Variants in ZNF236 observed in about 807,000 individuals in gnomAD.
The protein encoded by ZNF236 is zinc finger protein 236, also known as regulated by glucose.
ZNF236 carries 50 observed loss-of-function variants against 191.2 expected under a neutral mutation model. The observed-to-expected ratio is 0.26, with a 90% CI of 0.21 to 0.33. ZNF236 has a LOEUF of 0.33. Ranked by LOEUF, ZNF236 falls within the 10% of genes least tolerant of loss-of-function variation. ZNF236 has a pLI of 1.00. For synonymous variants in ZNF236, 907 were observed against 928.8 expected (o/e 0.98, Z 0.43); for missense variants, 1,754 against 2,374.5 (o/e 0.74, Z 5.43).
At chr18:76,853,781 C>T (rs1056586399) in intron 3 of ZNF236, among the ~76,000 whole-genome samples, 9 of 151,936 alleles carry the variant, frequency 5.9e-5, no homozygotes, top group African/African-American at 1.2e-4. Context: ...GAGGTCAAGG[C>T]GGGCAGATCA....
Position 76,842,182 on chromosome 18 carries a change from GATA to G in ZNF236, c.56-7340_56-7338del, listed in dbSNP as rs574992039. ...TAGTTTTCTTATCCACAAGGGCATT[GATA>G]ATATGACTGGCCTTCCCCCCACCCC... On this transcript the variant is annotated intron_variant, in intron 1 of 30. Coordinates refer to ENST00000320610, the MANE Select transcript of ZNF236 (RefSeq NM_001306089.2). Among the ~76,000 whole-genome samples, 138 of 152,202 alleles carry G rather than the reference GATA, an allele frequency of 9.1e-4. 1 individual carries two copies. The highest frequency in any genetic ancestry group is 2.9e-3 in the African/African-American group (121 of 41,502).
At chr18:76,826,651 T>C (rs1975027860) in intron 1 of ZNF236, among the ~76,000 whole-genome samples, 1 of 150,690 alleles carries the variant, frequency 6.6e-6, no homozygotes, top group Non-Finnish European at 1.5e-5. Context: ...ATACCAAAGT[T>C]AGCCAGGCAT....
intron 9 of ZNF236, chr18:76,888,131 G>A (rs1977114212): frequency 1.3e-5 from 2 of 151,752 alleles, no homozygotes; most frequent in African/African-American, 4.8e-5. Flanking sequence ...CAGCACTTTG[G>A]GAGGCCGAGG....
chr18:76,911,975 AGATAT>A (rs1345014938), intron 16 of ZNF236, among the ~76,000 whole-genome samples: 3 of 152,212 alleles, frequency 2.0e-5, no homozygotes, highest in Non-Finnish European at 4.4e-5. Context: ...TCTCTTATTA[AGATAT>A]ATAAAATAAT....
intron 1 of ZNF236, among the ~76,000 whole-genome samples, chr18:76,836,672 G>C (rs182823711): frequency 6.6e-6 from 1 of 151,706 alleles, no homozygotes; most frequent in African/African-American, 2.4e-5. Context: ...CTGCTTCCCG[G>C]GTTCATGCCA....
chr18:76,912,182 G>A, intron 16 of ZNF236, 62 bp from the exon 17 acceptor site: 2 of 1,296,666 alleles, frequency 1.5e-6, no homozygotes, highest in Non-Finnish European at 2.2e-6. Context: ...TAGCTGCTCA[G>A]TTGTTTTATG....
At position 76,867,191 on chromosome 18, in the gene ZNF236, A is replaced by G. The variant is rs946854983; in HGVS notation, c.364-1494A>G. Among the ~76,000 whole-genome samples, 11 of 148,948 alleles carry G rather than the reference A, an allele frequency of 7.4e-5. 1 individual carries two copies. The highest frequency in any genetic ancestry group is 2.0e-4 in the Admixed American group (3 of 14,940). On this transcript the variant is annotated intron_variant, in intron 3 of 30. Transcript: ENST00000320610. ...GTGGGGAATCATTGGTAATGAAAGC[A>G]GTGCATTTTGTTCAGATGCATTCAG...
chr18:76,928,481 G>C (rs1967766006), intron 25 of ZNF236, among the ~76,000 whole-genome samples: 1 of 152,172 alleles, frequency 6.6e-6, no homozygotes, highest in Non-Finnish European at 1.5e-5. Context: ...TTTTAGATCC[G>C]CATGGCACTC....
chr18:76,847,807 C>T (rs1424875575), intron 1 of ZNF236, among the ~76,000 whole-genome samples: 1 of 152,182 alleles, frequency 6.6e-6, no homozygotes, highest in African/African-American at 2.4e-5. Flanking sequence ...CCTGGGAAGT[C>T]ATAAAACATT....
At chr18:76,966,333 T>TCACACACA (rs372462259) in intron 30 of ZNF236, among the ~76,000 whole-genome samples, 5 of 148,208 alleles carry the variant, frequency 3.4e-5, no homozygotes, top group South Asian at 4.3e-4. Context: ...CTGCCCCCCT[T>TCACACACA]CACACACACA....
At chr18:76,829,193 T>C (rs1055903547) in intron 1 of ZNF236, among the ~76,000 whole-genome samples, 3 of 152,232 alleles carry the variant, frequency 2.0e-5, no homozygotes, top group Non-Finnish European at 1.5e-5. Flanking sequence ...ATAGTGCGTC[T>C]CTGCTTTCAA....
intron 3 of ZNF236, among the ~76,000 whole-genome samples, chr18:76,865,240 G>A (rs1976373881): frequency 6.6e-6 from 1 of 152,164 alleles, no homozygotes; most frequent in Non-Finnish European, 1.5e-5. Context: ...GGGAGGCTGA[G>A]GCAGGAGAAT....
intron 3 of ZNF236, among the ~76,000 whole-genome samples, chr18:76,853,395 A>G (rs1297954966): frequency 6.6e-6 from 1 of 152,068 alleles, no homozygotes; most frequent in Admixed American, 6.6e-5. Flanking sequence ...CATATTTTCT[A>G]CGTGATTTTG....
At chr18:76,923,870 GTGTT>G (rs1568232317) in intron 21 of ZNF236, among the ~76,000 whole-genome samples, 1 of 152,176 alleles carries the variant, frequency 6.6e-6, no homozygotes, top group Non-Finnish European at 1.5e-5. Context: ...GCTTGGAAAA[GTGTT>G]TGGCCTTTGG....
chr18:76,948,359 C>T (rs1347522182), intron 27 of ZNF236, among the ~76,000 whole-genome samples: 1 of 152,142 alleles, frequency 6.6e-6, no homozygotes, highest in Non-Finnish European at 1.5e-5. Flanking sequence ...ATAACGAGCA[C>T]TGGGGATGTC....
chr18:76,921,737 CTTTTTTTTTTT>C (rs11380490), intron 20 of ZNF236, among the ~76,000 whole-genome samples: 1 of 98,050 alleles, frequency 1.0e-5, no homozygotes, highest in African/African-American at 3.8e-5. Context: ...GTGGGATGTT[CTTTTTTTTTTT>C]TTTTTTTTTT....
intron 4 of ZNF236, among the ~76,000 whole-genome samples, chr18:76,869,277 T>C (rs1452456076): frequency 1.3e-5 from 2 of 152,218 alleles, no homozygotes; most frequent in Non-Finnish European, 2.9e-5. Context: ...ATTTCATCAT[T>C]ACAAACAACC....
intron 27 of ZNF236, among the ~76,000 whole-genome samples, chr18:76,955,629 C>T (rs1046581660): frequency 5.9e-5 from 9 of 152,180 alleles, no homozygotes; most frequent in Admixed American, 5.2e-4. Context: ...GTATGCAGCC[C>T]TTGGTAGGCA....
rs538657472 is a variant in ZNF236 at position 76,892,660 on chromosome 18, C to T, written c.1418-2353C>T. 2.3e-3 allele frequency among the ~76,000 whole-genome samples: 357 copies of T among 152,238 alleles called. 1 individual carries two copies. Among genetic ancestry groups the T allele is most frequent in the Non-Finnish European group, 4.3e-3 (294 of 68,014 alleles). On this transcript the variant is annotated intron_variant, in intron 9 of 30. Transcript: ENST00000320610. ...TTGGCTCACCATAACCTCTGCCTCC[C>T]GGGTTCAAGTGATTCTCCTGCCTCA...
Sources: gnomAD v4.1 joint callset for allele counts (sites outside exome capture counted in the v4.1 genomes callset) on GRCh38, gnomAD v4.1.1 for gene constraint, MANE v1.5 for transcripts, NCBI Gene and HGNC (gene_info 2026-07-23, HGNC 2026-07-21) for gene names.